The following SRPK2 variants were observed in gnomAD, a reference collection of about 807,000 sequenced individuals.
SRPK2 encodes SFRS protein kinase 2.
In SRPK2, 21 loss-of-function variants were observed where a neutral mutation model predicts 90.8. The observed-to-expected ratio is 0.23, with a 90% CI of 0.16 to 0.33. SRPK2 has a LOEUF of 0.33. Ranked by LOEUF, SRPK2 falls within the 10% of genes least tolerant of loss-of-function variation. The probability of loss-of-function intolerance (pLI) is 1.00; values close to 1 mark genes in which losing one functional copy is unlikely to be tolerated. For missense variants in SRPK2, 620 were observed against 869.0 expected (o/e 0.71, Z 3.60); for synonymous variants, 288 against 311.1 (o/e 0.93, Z 0.78).
upstream of SRPK2, among the ~76,000 whole-genome samples, chr7:105,393,867 T>C (rs1822246778): frequency 1.3e-5 from 2 of 151,900 alleles, no homozygotes; most frequent in South Asian, 2.1e-4. Flanking sequence ...AGTTCAAGGT[T>C]AGGGAGGTTA....
At position 105,245,034 on chromosome 7, in the gene SRPK2, AACACACACACACAC is replaced by A. The variant is rs58717493; in HGVS notation, c.72-41263_72-41250del. ...TTGAGAGGAAAAACAAAACAAAACA[AACACACACACACAC>A]ACACACACACACACACACACACACA... On this transcript the variant is annotated intron_variant, in intron 2 of 15. Coordinates refer to ENST00000393651, the MANE Select transcript of SRPK2 (RefSeq NM_182692.3). 3.0e-4 allele frequency: 156 copies of A among 524,240 alleles called. 1 individual carries two copies. Among genetic ancestry groups the A allele is most frequent in the African/African-American group, 1.3e-3 (67 of 51,280 alleles). The allele number at this position is 524,240 out of a possible 1,614,324, so 32.5% of individuals were successfully genotyped here.
intron 2 of SRPK2, among the ~76,000 whole-genome samples, chr7:105,340,135 TAA>T (rs1244870853): frequency 2.6e-5 from 4 of 152,152 alleles, no homozygotes; most frequent in African/African-American, 7.2e-5. Flanking sequence ...CATCATTTTT[TAA>T]GTGTCTGTAA....
chr7:105,185,460 G>C (rs534457593), intron 3 of SRPK2, among the ~76,000 whole-genome samples: 23 of 151,944 alleles, frequency 1.5e-4, no homozygotes, highest in Non-Finnish European at 3.2e-4. Context: ...GCTGTTCATG[G>C]AGTGCAAGGG....
intron 13 of SRPK2, among the ~76,000 whole-genome samples, chr7:105,127,628 A>G (rs990716896): frequency 1.3e-5 from 2 of 152,190 alleles, no homozygotes; most frequent in African/African-American, 2.4e-5. Flanking sequence ...GGGCCAGAGG[A>G]AGCAGATGGT....
At chr7:105,226,887 A>G (rs1798781180) in intron 2 of SRPK2, among the ~76,000 whole-genome samples, 1 of 151,802 alleles carries the variant, frequency 6.6e-6, no homozygotes, top group Admixed American at 6.6e-5. Flanking sequence ...GGTTGCTGTA[A>G]GCCGAGATCA....
At chr7:105,215,878 G>A (rs1203268400) in intron 2 of SRPK2, among the ~76,000 whole-genome samples, 1 of 152,054 alleles carries the variant, frequency 6.6e-6, no homozygotes, top group Non-Finnish European at 1.5e-5. Context: ...AGTTTTTTGG[G>A]GGGGTGATAA....
chr7:105,324,820 G>T (rs1311071336), intron 2 of SRPK2, among the ~76,000 whole-genome samples: 3 of 152,168 alleles, frequency 2.0e-5, no homozygotes, highest in Admixed American at 1.3e-4. Context: ...CACGGAGGCG[G>T]AGGTTGCAGT....
At chr7:105,161,387 C>A (rs968577062) in intron 6 of SRPK2, among the ~76,000 whole-genome samples, 1 of 152,074 alleles carries the variant, frequency 6.6e-6, no homozygotes, top group Non-Finnish European at 1.5e-5. Context: ...GAATGGGGAA[C>A]CAGCAGATAA....
intron 2 of SRPK2, among the ~76,000 whole-genome samples, chr7:105,305,911 G>A (rs1811095537): frequency 6.6e-6 from 1 of 152,202 alleles, no homozygotes; most frequent in Non-Finnish European, 1.5e-5. Flanking sequence ...CAAATCATGG[G>A]AAGATAACTA....
intron 2 of SRPK2, among the ~76,000 whole-genome samples, chr7:105,369,060 C>A (rs994381874): frequency 8.6e-5 from 13 of 151,756 alleles, no homozygotes; most frequent in African/African-American, 3.1e-4. Context: ...TCTCACCTGC[C>A]AATTCTCTCA....
intron 2 of SRPK2, among the ~76,000 whole-genome samples, chr7:105,382,961 T>C (rs554399031): frequency 6.6e-6 from 1 of 151,258 alleles, no homozygotes; most frequent in East Asian, 2.0e-4. Context: ...GGTTAAGATA[T>C]CAACGTCAGG....
At chr7:105,384,913 G>A (rs1254141292) in intron 2 of SRPK2, among the ~76,000 whole-genome samples, 2 of 149,650 alleles carry the variant, frequency 1.3e-5, no homozygotes, top group South Asian at 4.2e-4. Context: ...GTCTGGCTCT[G>A]TCGCCCAGGC....
chr7:105,177,307 T>G (rs1185226299), intron 3 of SRPK2, among the ~76,000 whole-genome samples: 1 of 152,190 alleles, frequency 6.6e-6, no homozygotes, highest in Non-Finnish European at 1.5e-5. Flanking sequence ...AAAAATTATT[T>G]AGAACATATG....
chr7:105,356,916 A>G (rs1731845878), intron 2 of SRPK2, among the ~76,000 whole-genome samples: 2 of 152,306 alleles, frequency 1.3e-5, no homozygotes, highest in Non-Finnish European at 1.5e-5. Context: ...TGCTACCCTA[A>G]CAACACTATG....
chr7:105,160,481 C>G, intron 7 of SRPK2, 26 bp downstream of exon 7: 3 of 1,432,462 alleles, frequency 2.1e-6, no homozygotes, highest in Non-Finnish European at 3.0e-6. Context: ...GTACTAGGGC[C>G]TAGGGGCTGC....
At chr7:105,199,629 A>G (rs1795308131) in intron 3 of SRPK2, among the ~76,000 whole-genome samples, 1 of 152,226 alleles carries the variant, frequency 6.6e-6, no homozygotes, top group South Asian at 2.1e-4. Flanking sequence ...TGAGGATGGG[A>G]AGAGCCCAGA....
chr7:105,305,227 G>C (rs986601805), intron 2 of SRPK2, among the ~76,000 whole-genome samples: 2 of 152,100 alleles, frequency 1.3e-5, no homozygotes, highest in South Asian at 2.1e-4. Context: ...ATCACCTGAA[G>C]TCAAGAGTTC....
intron 15 of SRPK2, among the ~76,000 whole-genome samples, chr7:105,121,387 A>AAAGAG (rs113900008): frequency 6.1e-5 from 9 of 148,512 alleles, no homozygotes; most frequent in Admixed American, 2.0e-4. Context: ...TAAAAAAAAA[A>AAAGAG]AGAGAGAAAA....
At chr7:105,137,511 CAGT>C (rs1562970467) in intron 11 of SRPK2, among the ~76,000 whole-genome samples, 1 of 152,168 alleles carries the variant, frequency 6.6e-6, no homozygotes, top group Non-Finnish European at 1.5e-5. Flanking sequence ...CAAGGACTGA[CAGT>C]GGTGTGGGTC....
Sources: allele counts gnomAD v4.1 joint callset (sites outside exome capture counted in the v4.1 genomes callset), GRCh38; gene constraint gnomAD v4.1.1; transcripts MANE v1.5; gene names NCBI Gene and HGNC (gene_info 2026-07-23, HGNC 2026-07-21).